DGKB: variants seen among roughly 807,000 people sequenced by gnomAD.
DGKB encodes the protein diacylglycerol kinase beta, also known as 90 kDa diacylglycerol kinase.
DGKB carries 67 observed loss-of-function variants against 114.3 expected under a neutral mutation model. The observed-to-expected ratio is 0.59, with a 90% CI of 0.48 to 0.72. DGKB has a LOEUF of 0.72. Among genes scored for constraint, DGKB ranks in the 30% least tolerant of loss-of-function variants. DGKB has a pLI of 0.00. For missense variants in DGKB, 907 were observed against 975.2 expected, an observed-to-expected ratio of 0.93 and a Z score of 0.93; for synonymous variants, 398 against 323.1, an observed-to-expected ratio of 1.23 and a Z score of -2.49.
At chr7:14,426,994 AG>A (rs1178019026) in intron 21 of DGKB, among the ~76,000 whole-genome samples, 6 of 151,954 alleles carry the variant, frequency 3.9e-5, no homozygotes, top group Non-Finnish European at 8.8e-5. Context: ...CAGGAGACGG[AG>A]GTTACAGTGA....
chr7:14,220,632 G>A (rs148860480), intron 23 of DGKB, among the ~76,000 whole-genome samples: 1 of 151,498 alleles, frequency 6.6e-6, no homozygotes, highest in Admixed American at 6.6e-5. Context: ...ATGAATTTTA[G>A]AATCACCTTG....
intron 12 of DGKB, among the ~76,000 whole-genome samples, chr7:14,681,856 C>A (rs1051039940): frequency 6.6e-6 from 1 of 152,032 alleles, no homozygotes; most frequent in Non-Finnish European, 1.5e-5. Flanking sequence ...TTTATCTCTT[C>A]TTACTTAATT....
chr7:14,292,673 A>G (rs576886059), intron 23 of DGKB, among the ~76,000 whole-genome samples: 53 of 152,302 alleles, frequency 3.5e-4, no homozygotes, highest in African/African-American at 1.2e-3. Context: ...GGTCTTACTT[A>G]TGGATGAATT....
chr7:14,504,206 A>G (rs976732242), intron 20 of DGKB, among the ~76,000 whole-genome samples: 1 of 152,144 alleles, frequency 6.6e-6, no homozygotes, highest in Non-Finnish European at 1.5e-5. Flanking sequence ...TGCAGATTCT[A>G]TTTTATACTC....
intron 20 of DGKB, among the ~76,000 whole-genome samples, chr7:14,508,118 G>C (rs1787388712): frequency 1.3e-5 from 2 of 152,070 alleles, no homozygotes; most frequent in Non-Finnish European, 2.9e-5. Context: ...TATTAGTTAT[G>C]AATAAAGGAG....
intron 23 of DGKB, among the ~76,000 whole-genome samples, chr7:14,181,211 T>C (rs1053370050): frequency 1.3e-5 from 2 of 152,216 alleles, no homozygotes. Context: ...AGAGACCATA[T>C]GGTCGACAAA....
chr7:14,622,389 G>T (rs1239235010), intron 14 of DGKB, among the ~76,000 whole-genome samples: 2 of 151,900 alleles, frequency 1.3e-5, no homozygotes, highest in Non-Finnish European at 2.9e-5. Flanking sequence ...CACTCCCTAG[G>T]TAACTTCATT....
chr7:14,624,737 C>G (rs1808261187), intron 14 of DGKB, among the ~76,000 whole-genome samples: 1 of 152,142 alleles, frequency 6.6e-6, no homozygotes, highest in African/African-American at 2.4e-5. Flanking sequence ...GTGGCTCACA[C>G]CTGTAATCCC....
rs138157181 is a variant in DGKB, at chr7:14,542,704, G to C, written c.1770+31508C>G. On this transcript the variant is annotated intron_variant, in intron 20 of 25. Transcript: ENST00000402815. ...GAATTCAAGGGTCTCTGATGCTAAG[G>C]GTTTCAAGAAGGAATATCTGCCTGA... Among the ~76,000 whole-genome samples the C allele has an allele frequency of 6.7e-4, 102 of 152,264 alleles. No homozygotes were observed. The Middle Eastern group carries it at 0.017, about 25-fold the overall frequency.
intron 23 of DGKB, among the ~76,000 whole-genome samples, chr7:14,231,985 T>G (rs1383410361): frequency 6.6e-6 from 1 of 152,040 alleles, no homozygotes; most frequent in Non-Finnish European, 1.5e-5. Flanking sequence ...TATTGGATTT[T>G]CCTCTTAGTC....
intron 1 of DGKB, among the ~76,000 whole-genome samples, chr7:14,923,178 CA>C (rs1332148458): frequency 6.6e-6 from 1 of 152,082 alleles, no homozygotes; most frequent in African/African-American, 2.4e-5. Flanking sequence ...TTTTAGAAGG[CA>C]ATTTATATTT....
intron 2 of DGKB, among the ~76,000 whole-genome samples, chr7:14,808,673 A>T (rs958396250): frequency 6.6e-6 from 1 of 152,116 alleles, no homozygotes; most frequent in East Asian, 1.9e-4. Context: ...CTGTTACAGT[A>T]ACCCAGGTGG....
intron 23 of DGKB, chr7:14,191,895 A>G: frequency 1.8e-6 from 1 of 556,534 alleles, no homozygotes; most frequent in Admixed American, 2.2e-5. Flanking sequence ...GAGCTGAAGG[A>G]AAAGATTGAT....
intron 25 of DGKB, chr7:14,176,383 T>G (rs961643390): frequency 8.1e-6 from 8 of 984,590 alleles, no homozygotes; most frequent in African/African-American, 1.7e-5. Flanking sequence ...TGGAGAGAAA[T>G]TTTTTTCTTA....
chr7:14,601,231 T>G (rs1421956932), intron 17 of DGKB, among the ~76,000 whole-genome samples: 1 of 152,144 alleles, frequency 6.6e-6, no homozygotes, highest in Non-Finnish European at 1.5e-5. Flanking sequence ...TGCACTAGAA[T>G]GCATTGAGCA....
chr7:14,919,208 C>A (rs1784402961), intron 1 of DGKB, among the ~76,000 whole-genome samples: 1 of 151,754 alleles, frequency 6.6e-6, no homozygotes, highest in Non-Finnish European at 1.5e-5. Flanking sequence ...TGACACCACC[C>A]AACTTCAATA....
intron 23 of DGKB, among the ~76,000 whole-genome samples, chr7:14,198,622 T>C (rs1269891956): frequency 6.6e-6 from 1 of 152,058 alleles, no homozygotes; most frequent in Non-Finnish European, 1.5e-5. Context: ...CCAAACTGGC[T>C]AAAAAATGAA....
intron 20 of DGKB, among the ~76,000 whole-genome samples, chr7:14,510,827 G>A (rs1425263971): frequency 1.3e-5 from 2 of 152,112 alleles, no homozygotes; most frequent in African/African-American, 4.8e-5. Flanking sequence ...GTGTTAGCAG[G>A]CATAAAAACA....
chr7:14,390,856 T>G (rs1821202953), intron 21 of DGKB, among the ~76,000 whole-genome samples: 1 of 152,208 alleles, frequency 6.6e-6, no homozygotes, highest in African/African-American at 2.4e-5. Flanking sequence ...AGGTAGAATA[T>G]GTATGCAACA....
Sources: allele counts gnomAD v4.1 joint callset (sites outside exome capture counted in the v4.1 genomes callset), GRCh38; gene constraint gnomAD v4.1.1; transcripts MANE v1.5; gene names NCBI Gene and HGNC (gene_info 2026-07-23, HGNC 2026-07-21).